The following HES7 variants were observed in gnomAD, a reference collection of about 807,000 sequenced individuals.
HES7 encodes the protein transcription factor HES-7.
Under a neutral mutation model 18.0 loss-of-function variants are expected in HES7, and 8 were observed. The ratio of observed to expected loss-of-function variants is 0.45; its 90% CI spans 0.26 to 0.80. The LOEUF (loss-of-function observed/expected upper bound fraction) is 0.80, where lower values mean the gene tolerates loss of function less well. Among genes scored for constraint, HES7 ranks in the 30% least tolerant of loss-of-function variants. HES7 has a pLI of 0.18. For synonymous variants in HES7, 170 were observed against 158.6 expected, an observed-to-expected ratio of 1.07 and a Z score of -0.54; for missense variants, 356 against 340.9, an observed-to-expected ratio of 1.04 and a Z score of -0.35.
chr17:8,122,295 C>T lies in HES7; in HGVS notation c.226+48G>A, dbSNP rs1981392903. The T allele has an allele frequency of 6.8e-7, 1 of 1,464,408 alleles. No homozygotes were observed. Among genetic ancestry groups the T allele is most frequent in the East Asian group, 2.5e-5 (1 of 40,718 alleles). The allele number at this position is 1,464,408 out of a possible 1,614,324, so 90.7% of individuals were successfully genotyped here. ...GCCCACTCTGCCCCGGCCGGAGCCTCCTGGCGTCCCCCCTCCCTCCCTCCG... is the reference window on the plus strand; with the variant it reads ...GCCCACTCTGCCCCGGCCGGAGCCTTCTGGCGTCCCCCCTCCCTCCCTCCG... On this transcript the variant is annotated intron_variant, in intron 3 of 3. Coordinates refer to ENST00000541682, the MANE Select transcript of HES7 (RefSeq NM_001165967.2). This position sits in a 1 kb window ranked among gnomAD's most constrained non-coding sequence, Gnocchi z 6.9.
upstream of HES7, among the ~76,000 whole-genome samples, chr17:8,125,727 C>G (rs552198572): frequency 2.6e-5 from 4 of 152,186 alleles, no homozygotes; most frequent in Non-Finnish European, 4.4e-5. Context: ...ATAGGATCCC[C>G]GCAGAATCTT....
In HES7 at chr17:8,122,282, C is replaced by G. The variant is rs1371604404; in HGVS notation, c.226+61G>C. 2.1e-6 allele frequency: 3 copies of G among 1,426,764 alleles called. No homozygotes were observed. The highest frequency in any genetic ancestry group is 2.9e-6 in the Non-Finnish European group (3 of 1,036,978). The allele number at this position is 1,426,764 out of a possible 1,614,324, so 88.4% of individuals were successfully genotyped here. On this transcript the variant is annotated intron_variant, in intron 3 of 3. Coordinates refer to ENST00000541682, the MANE Select transcript of HES7 (RefSeq NM_001165967.2). The surrounding 1 kb of genome is among the most constrained non-coding windows in gnomAD (Gnocchi z 6.9). ...CACCGCAGGGCCCGCCCACTCTGCC[C>G]CGGCCGGAGCCTCCTGGCGTCCCCC...
At position 8,122,074 on chromosome 17, in the gene HES7, G is replaced by C. The variant is rs929933723; in HGVS notation, c.227-37C>G. 6.8e-7 allele frequency: 1 copy of C among 1,467,448 alleles called. No individual in the cohort carries two copies. The highest frequency in any genetic ancestry group is 9.0e-7 in the Non-Finnish European group (1 of 1,115,442). 90.9% of individuals were successfully genotyped at this position (1,467,448 alleles called of 1,614,324 possible). A position where few individuals can be genotyped will look rare whatever the true frequency, so the allele number is the denominator to read the frequency against. The stretch of plus-strand genomic sequence containing the variant: ...GGCGGGAGCACAGGTGGGCAGGGCA[G>C]GGGCCCGGCAGGGGTGAGGGAAGGG... On this transcript the variant is annotated intron_variant, in intron 3 of 3. Coordinates refer to ENST00000541682, the MANE Select transcript of HES7 (RefSeq NM_001165967.2). The surrounding 1 kb of genome is among the most constrained non-coding windows in gnomAD (Gnocchi z 6.9).
rs749382799 is a variant in HES7, at chr17:8,123,163, A to C, written c.43-37T>G. On this transcript the variant is annotated intron_variant, in intron 1 of 3. Transcript: ENST00000541682. This position sits in a 1 kb window ranked among gnomAD's most constrained non-coding sequence, Gnocchi z 5.9. ...GAGAAAAGGAGAGCGGGCCGACCAGACCGAGACTCAGTGCGGCCGCCCCGG... is the reference window on the plus strand; with the variant it reads ...GAGAAAAGGAGAGCGGGCCGACCAGCCCGAGACTCAGTGCGGCCGCCCCGG... 3 of 1,525,738 alleles carry C rather than the reference A, an allele frequency of 2.0e-6. No individual in the cohort carries two copies. The highest frequency in any genetic ancestry group is 2.7e-6 in the Non-Finnish European group (3 of 1,120,810). The allele number at this position is 1,525,738 out of a possible 1,614,324, so 94.5% of individuals were successfully genotyped here. A position where few individuals can be genotyped will look rare whatever the true frequency, so the allele number is the denominator to read the frequency against.
Position 8,123,934 on chromosome 17 carries a change from G to T in HES7, c.42+109C>A, listed in dbSNP as rs1981491850. Reference sequence around the variant, plus strand: ...CTGGCTCCTGGAGTTCTGGAGCACCGCTCCCCTTCCACCCCTGCGTCCCCA... The same window carrying T: ...CTGGCTCCTGGAGTTCTGGAGCACCTCTCCCCTTCCACCCCTGCGTCCCCA... On this transcript the variant is annotated intron_variant, in intron 1 of 3. Transcript: ENST00000541682. This position sits in a 1 kb window ranked among gnomAD's most constrained non-coding sequence, Gnocchi z 5.9. 2 of 1,237,032 alleles carry T rather than the reference G, an allele frequency of 1.6e-6. No individual in the cohort carries two copies. Among genetic ancestry groups the T allele is most frequent in the African/African-American group, 1.5e-5 (1 of 67,008 alleles). 76.6% of individuals were successfully genotyped at this position (1,237,032 alleles called of 1,614,324 possible).
chr17:8,126,275 A>G (rs1355867078), upstream of HES7, among the ~76,000 whole-genome samples: 1 of 150,690 alleles, frequency 6.6e-6, no homozygotes, highest in East Asian at 2.0e-4. Context: ...TAGCTCCTCC[A>G]TCTCTGTATC....
In HES7 at chr17:8,122,304, CCCCCTCCCTCCCTCCGCTG is replaced by C; in HGVS notation, c.226+20_226+38del. On this transcript the variant is annotated intron_variant, in intron 3 of 3. Transcript: ENST00000541682. This position sits in a 1 kb window ranked among gnomAD's most constrained non-coding sequence, Gnocchi z 6.9. ...GCCCCGGCCGGAGCCTCCTGGCGTC[CCCCCTCCCTCCCTCCGCTG>C]CCCCACCCCCGCGCTGTACCCGGGG... The C allele has an allele frequency of 6.9e-7, 1 of 1,458,560 alleles. No individual in the cohort carries two copies. Among genetic ancestry groups the C allele is most frequent in the Non-Finnish European group, 9.4e-7 (1 of 1,063,204 alleles). The allele number at this position is 1,458,560 out of a possible 1,614,324, so 90.4% of individuals were successfully genotyped here. A position where few individuals can be genotyped will look rare whatever the true frequency, so the allele number is the denominator to read the frequency against.
At position 8,120,968 on chromosome 17, in the gene HES7, A is replaced by G. The variant is rs1339495734; in HGVS notation, c.*603T>C. On this transcript the variant is annotated 3_prime_UTR_variant, in exon 4 of 4. Transcript: ENST00000541682. ...ATAGCGCATTGGACTTCTAGTGACGAATAGAGCAATTCAAAGGTTGTGGGT... is the reference window on the plus strand; with the variant it reads ...ATAGCGCATTGGACTTCTAGTGACGGATAGAGCAATTCAAAGGTTGTGGGT... The G allele has an allele frequency of 6.5e-6, 1 of 152,706 alleles. No individual in the cohort carries two copies. Among genetic ancestry groups the G allele is most frequent in the Non-Finnish European group, 1.5e-5 (1 of 68,062 alleles). The allele number at this position is 152,706 out of a possible 1,614,324, so 9.5% of individuals were successfully genotyped here.
In HES7 at chr17:8,122,300, C is replaced by T; in HGVS notation, c.226+43G>A. 6.8e-7 allele frequency: 1 copy of T among 1,465,444 alleles called. No homozygotes were observed. The highest frequency in any genetic ancestry group is 9.3e-7 in the Non-Finnish European group (1 of 1,070,236). The allele number at this position is 1,465,444 out of a possible 1,614,324, so 90.8% of individuals were successfully genotyped here. The stretch of plus-strand genomic sequence containing the variant: ...CTCTGCCCCGGCCGGAGCCTCCTGG[C>T]GTCCCCCCTCCCTCCCTCCGCTGCC... On this transcript the variant is annotated intron_variant, in intron 3 of 3. Transcript: ENST00000541682. The surrounding 1 kb of genome is among the most constrained non-coding windows in gnomAD (Gnocchi z 6.9).
upstream of HES7, among the ~76,000 whole-genome samples, chr17:8,125,746 G>C (rs1212580835): frequency 2.0e-5 from 3 of 152,218 alleles, no homozygotes; most frequent in Non-Finnish European, 2.9e-5. Context: ...TTTAAGCCGC[G>C]CATTGGTGGT....
At chr17:8,126,460 C>G (rs1022475133), upstream of HES7, among the ~76,000 whole-genome samples, 7 of 152,202 alleles carry the variant, frequency 4.6e-5, no homozygotes, top group African/African-American at 1.7e-4. Context: ...TCTGTCGCCT[C>G]CCGGGACTCT....
At position 8,120,983 on chromosome 17, in the gene HES7, AG is replaced by A. The variant is rs1413108319; in HGVS notation, c.*587del. 6.5e-6 allele frequency: 1 copy of A among 152,714 alleles called. No individual in the cohort carries two copies. The highest frequency in any genetic ancestry group is 1.5e-5 in the Non-Finnish European group (1 of 68,058). The allele number at this position is 152,714 out of a possible 1,614,324, so 9.5% of individuals were successfully genotyped here. A position where few individuals can be genotyped will look rare whatever the true frequency, so the allele number is the denominator to read the frequency against. On this transcript the variant is annotated 3_prime_UTR_variant, in exon 4 of 4. Coordinates refer to ENST00000541682, the MANE Select transcript of HES7 (RefSeq NM_001165967.2). ...TCTAGTGACGAATAGAGCAATTCAA[AG>A]GTTGTGGGTTCGAATCCCACCAGAG...
chr17:8,122,465 G>A lies in HES7; in HGVS notation c.139-35C>T. 1 of 1,428,504 alleles carries A rather than the reference G, an allele frequency of 7.0e-7. No homozygotes were observed. The highest frequency in any genetic ancestry group is 9.7e-7 in the Non-Finnish European group (1 of 1,034,098). 88.5% of individuals were successfully genotyped at this position (1,428,504 alleles called of 1,614,324 possible). On this transcript the variant is annotated intron_variant, in intron 2 of 3. Coordinates refer to ENST00000541682, the MANE Select transcript of HES7 (RefSeq NM_001165967.2). The surrounding 1 kb of genome is among the most constrained non-coding windows in gnomAD (Gnocchi z 6.9). ...GGAGGGGAGGGCGCAGAGACAGAAA[G>A]GGGTGGGGAGAAAGGGGGAAAGTGG...
rs201278621 is a variant in HES7 at position 8,121,869 on chromosome 17, C to A, written c.395G>T (p.Arg132Leu). ...CGGCTTGGGCCGGGGCGGTTTGGGG[C>A]GCAGATAGCCGTGCAGCGCGGAGAA... ...QLFSALHGYL[R>L]PKPPRPKPVD... Residue 132 changes from arginine (R) to leucine (L), a missense_variant, in exon 4 of 4, where the codon CGC becomes CTC. Physicochemically the swap from Arg to Leu is moderately radical, Grantham distance 102. Transcript: ENST00000541682. The A allele has an allele frequency of 7.9e-4, 1,247 of 1,570,934 alleles. 1 individual carries two copies. Among genetic ancestry groups the A allele is most frequent in the Non-Finnish European group, 7.5e-4 (878 of 1,168,960 alleles).
upstream of HES7, among the ~76,000 whole-genome samples, chr17:8,126,606 C>T (rs1981615528): frequency 6.6e-6 from 1 of 152,176 alleles, no homozygotes; most frequent in Non-Finnish European, 1.5e-5. Flanking sequence ...GGCGCACAGC[C>T]ACCTGCGGCG....
chr17:8,121,325 G>A lies in HES7; in HGVS notation c.*246C>T. 2.6e-6 allele frequency: 1 copy of A among 377,422 alleles called. No homozygotes were observed. Among genetic ancestry groups the A allele is most frequent in the East Asian group, 3.8e-5 (1 of 26,230 alleles). 23.4% of individuals were successfully genotyped at this position (377,422 alleles called of 1,614,324 possible). A position where few individuals can be genotyped will look rare whatever the true frequency, so the allele number is the denominator to read the frequency against. On this transcript the variant is annotated 3_prime_UTR_variant, in exon 4 of 4. Coordinates refer to ENST00000541682, the MANE Select transcript of HES7 (RefSeq NM_001165967.2). ...CTCGGGAAGGGACTGGGACTGGGCT[G>A]AGGGGCAGAGAGAGTACAATCCTAG... is the stretch of plus-strand genomic sequence containing the variant.
chr17:8,126,211 T>A (rs953848957), upstream of HES7, among the ~76,000 whole-genome samples: 2 of 152,242 alleles, frequency 1.3e-5, no homozygotes, highest in African/African-American at 4.8e-5. Context: ...TTCTTAAGTC[T>A]ATGGGTCTAT....
Position 8,123,800 on chromosome 17 carries a change from G to A in HES7, c.42+243C>T, listed in dbSNP as rs192142938. On this transcript the variant is annotated intron_variant, in intron 1 of 3. Coordinates refer to ENST00000541682, the MANE Select transcript of HES7 (RefSeq NM_001165967.2). The surrounding 1 kb of genome is among the most constrained non-coding windows in gnomAD (Gnocchi z 5.9). ...ACCGGCCCCCTCCCCAGGCCACAAG[G>A]TGCCGACACCCATTACCGAGGCCCC... is the stretch of plus-strand genomic sequence containing the variant. Among the ~76,000 whole-genome samples the A allele has an allele frequency of 4.3e-3, 661 of 152,272 alleles. 6 individuals are homozygous for A. The highest frequency in any genetic ancestry group is 6.0e-3 in the Non-Finnish European group (405 of 68,022).
chr17:8,121,606 G>T lies in HES7; in HGVS notation c.658C>A (p.Pro220Thr). ...RQDGAPKAPLPPPPAFWRPWP is the reference protein window; with the variant it reads ...RQDGAPKAPLTPPPAFWRPWP ...GGTCTCCAGAAAGCGGGCGGCGGGG[G>T]CAGCGGGGCCTTGGGCGCCCCGTCT... The change falls in exon 4 of 4, where the codon CCC becomes ACC. Residue 220 changes from proline to threonine, a missense_variant. Coordinates refer to ENST00000541682, the MANE Select transcript of HES7 (RefSeq NM_001165967.2). 1 of 1,310,036 alleles carries T rather than the reference G, an allele frequency of 7.6e-7. No individual in the cohort carries two copies. The highest frequency in any genetic ancestry group is 9.6e-7 in the Non-Finnish European group (1 of 1,036,696). 81.2% of individuals were successfully genotyped at this position (1,310,036 alleles called of 1,614,324 possible).
Sources: gnomAD v4.1 joint callset for allele counts (sites outside exome capture counted in the v4.1 genomes callset) on GRCh38, gnomAD v4.1.1 for gene constraint, Gnocchi (gnomAD v3.1) non-coding constraint, MANE v1.5 for transcripts, NCBI Gene and HGNC (gene_info 2026-07-23, HGNC 2026-07-21) for gene names.